The following DIP2C variants were observed in gnomAD, a reference collection of about 807,000 sequenced individuals.
DIP2C encodes the protein DIP2 acetate--CoA ligase C (putative).
DIP2C carries 33 observed loss-of-function variants against 192.4 expected under a neutral mutation model. The ratio of observed to expected loss-of-function variants is 0.17; its 90% CI spans 0.13 to 0.23. DIP2C has a LOEUF of 0.23. Among genes scored for constraint, DIP2C ranks in the 10% least tolerant of loss-of-function variants. The pLI, the probability that DIP2C is intolerant of heterozygous loss-of-function variation, is 1.00. For missense variants in DIP2C, 1,537 were observed against 2,110.1 expected, an observed-to-expected ratio of 0.73 and a Z score of 5.32; for synonymous variants, 979 against 864.1, an observed-to-expected ratio of 1.13 and a Z score of -2.33.
intron 1 of DIP2C, among the ~76,000 whole-genome samples, chr10:543,251 G>A (rs1848104961): frequency 6.6e-6 from 1 of 152,216 alleles, no homozygotes; most frequent in Non-Finnish European, 1.5e-5. Flanking sequence ...CCTGTCCTCT[G>A]CCTTCACCAG....
At chr10:591,733 G>T (rs531504962) in intron 1 of DIP2C, among the ~76,000 whole-genome samples, 1 of 152,084 alleles carries the variant, frequency 6.6e-6, no homozygotes, top group South Asian at 2.1e-4. Flanking sequence ...CAAGGTAACC[G>T]AGACTCCAAA....
intron 4 of DIP2C, among the ~76,000 whole-genome samples, chr10:432,881 T>G (rs775252652): frequency 3.3e-5 from 5 of 152,242 alleles, no homozygotes; most frequent in Admixed American, 6.5e-5. Flanking sequence ...ATCTTCAGAT[T>G]TCTTCCTTGA....
chr10:312,684 T>TTCTC (rs563313850), intron 31 of DIP2C, among the ~76,000 whole-genome samples: 1 of 152,210 alleles, frequency 6.6e-6, no homozygotes, highest in Non-Finnish European at 1.5e-5. Flanking sequence ...ATGGCTACTC[T>TTCTC]TCTCTCTCAG....
At chr10:397,349 A>G (rs577622734) in intron 10 of DIP2C, among the ~76,000 whole-genome samples, 1 of 152,144 alleles carries the variant, frequency 6.6e-6, no homozygotes, top group South Asian at 2.1e-4. Context: ...GGCCAACGTA[A>G]CAAAACCTCA....
intron 1 of DIP2C, among the ~76,000 whole-genome samples, chr10:615,967 G>A (rs1277302804): frequency 6.6e-6 from 1 of 152,142 alleles, no homozygotes; most frequent in Non-Finnish European, 1.5e-5. Context: ...ATGACCACAT[G>A]AGAAGCTCAG....
chr10:539,191 CTCATA>C (rs1847849410), intron 1 of DIP2C, among the ~76,000 whole-genome samples: 2 of 152,222 alleles, frequency 1.3e-5, no homozygotes, highest in African/African-American at 4.8e-5. Context: ...TCATAGAGTG[CTCATA>C]TTAATCCTTT....
At chr10:406,485 A>C (rs182241499) in intron 9 of DIP2C, among the ~76,000 whole-genome samples, 1 of 152,320 alleles carries the variant, frequency 6.6e-6, no homozygotes, top group East Asian at 1.9e-4. Context: ...CTCTTGTGAA[A>C]ATGATAACTG....
chr10:350,364 T>C (rs1958731500), intron 24 of DIP2C, among the ~76,000 whole-genome samples: 1 of 152,154 alleles, frequency 6.6e-6, no homozygotes, highest in Non-Finnish European at 1.5e-5. Flanking sequence ...TAAAGACAAA[T>C]GTGAATAAAT....
At chr10:362,833 A>G in intron 21 of DIP2C, 142 bp from the exon 22 acceptor site, 1 of 984,838 alleles carries the variant, frequency 1.0e-6, no homozygotes, top group Admixed American at 2.9e-5. Flanking sequence ...CCAAGGTAAG[A>G]GAAAGGATTT....
At chr10:631,310 C>G (rs189639938) in intron 1 of DIP2C, 1 of 152,334 alleles carries the variant, frequency 6.6e-6, no homozygotes, top group Non-Finnish European at 1.5e-5. Context: ...GGGAGGTTTC[C>G]TTCCACCCAC....
intron 1 of DIP2C, among the ~76,000 whole-genome samples, chr10:587,603 A>C (rs1270981820): frequency 1.3e-5 from 2 of 152,152 alleles, no homozygotes; most frequent in Non-Finnish European, 1.5e-5. Flanking sequence ...CATCCACACC[A>C]GGCACTGCCT....
Position 651,818 on chromosome 10 carries a change from A to G in DIP2C, c.85+37676T>C. 1 of 238,548 alleles carries G rather than the reference A, an allele frequency of 4.2e-6. No individual in the cohort carries two copies. Among genetic ancestry groups the G allele is most frequent in the Non-Finnish European group, 8.2e-6 (1 of 121,270 alleles). 14.8% of individuals were successfully genotyped at this position (238,548 alleles called of 1,614,324 possible). On this transcript the variant is annotated intron_variant, in intron 1 of 36. Coordinates refer to ENST00000280886, the MANE Select transcript of DIP2C (RefSeq NM_014974.3). This position sits in a 1 kb window ranked among gnomAD's most constrained non-coding sequence, Gnocchi z 4.1. ...ATCAGCAGCAGCTGCGGCATGAGAG[A>G]GATGGTGTGGGGCGAAACCAATGGG...
intron 4 of DIP2C, among the ~76,000 whole-genome samples, chr10:432,629 T>C (rs1966874618): frequency 6.6e-6 from 1 of 152,230 alleles, no homozygotes; most frequent in South Asian, 2.1e-4. Flanking sequence ...GTTTCGTTGA[T>C]TTTCTCTACT....
chr10:495,339 G>GGT (rs1844747877), intron 1 of DIP2C, among the ~76,000 whole-genome samples: 1 of 152,148 alleles, frequency 6.6e-6, no homozygotes, highest in African/African-American at 2.4e-5. Context: ...CCATCTGCCT[G>GGT]AAATTCAGTT....
At chr10:563,041 A>G (rs1340829072) in intron 1 of DIP2C, among the ~76,000 whole-genome samples, 1 of 152,232 alleles carries the variant, frequency 6.6e-6, no homozygotes, top group Non-Finnish European at 1.5e-5. Context: ...TCTCACCTAC[A>G]CTGCCTACAA....
intron 1 of DIP2C, chr10:664,944 A>C (rs1220809884): frequency 1.3e-5 from 2 of 152,194 alleles, no homozygotes; most frequent in African/African-American, 4.8e-5. Flanking sequence ...AAACCTTTAT[A>C]ACGATGTTTT....
At chr10:557,750 T>C (rs541694708) in intron 1 of DIP2C, among the ~76,000 whole-genome samples, 1,820 of 17,004 alleles carry the variant, frequency 0.11, 113 homozygotes, top group African/African-American at 0.3. Context: ...AGAGGATGGG[T>C]GGGAAGGGGG....
intron 32 of DIP2C, among the ~76,000 whole-genome samples, chr10:291,701 C>A (rs750099983): frequency 1.8e-4 from 27 of 152,320 alleles, no homozygotes; most frequent in Admixed American, 6.5e-4. Context: ...CTTTCTCAAA[C>A]TGGGGATCAT....
At chr10:671,853 G>A (rs1271246788) in intron 1 of DIP2C, among the ~76,000 whole-genome samples, 1 of 130,160 alleles carries the variant, frequency 7.7e-6, no homozygotes, top group Non-Finnish European at 1.6e-5. Context: ...GGAGGAAACA[G>A]GCCACAGACA....
Sources: allele counts gnomAD v4.1 joint callset (sites outside exome capture counted in the v4.1 genomes callset), GRCh38; gene constraint gnomAD v4.1.1; non-coding constraint Gnocchi (gnomAD v3.1); transcripts MANE v1.5; gene names NCBI Gene and HGNC (gene_info 2026-07-23, HGNC 2026-07-21).